Variants in BRINP3 observed in about 807,000 individuals in gnomAD.
BRINP3 encodes the protein BMP/retinoic acid-inducible neural-specific protein 3.
BRINP3 carries 19 observed loss-of-function variants against 71.0 expected under a neutral mutation model. That is an observed-to-expected ratio of 0.27 (90% CI 0.19 to 0.39). BRINP3 has a LOEUF of 0.39. Among genes scored for constraint, BRINP3 ranks in the 10% least tolerant of loss-of-function variants. The probability of loss-of-function intolerance (pLI) is 1.00; values close to 1 mark genes in which losing one functional copy is unlikely to be tolerated. For missense variants in BRINP3, 959 were observed against 940.8 expected (o/e 1.02, Z -0.25); for synonymous variants, 380 against 337.7 (o/e 1.13, Z -1.37).
At chr1:190,160,991 T>C in intron 6 of BRINP3, 101 bp from the exon 7 acceptor site, 1 of 749,692 alleles carries the variant, frequency 1.3e-6, no homozygotes, top group Non-Finnish European at 2.1e-6. Flanking sequence ...TATACACATA[T>C]ATGTCAAATT....
At chr1:190,441,803 T>C (rs752959973) in intron 2 of BRINP3, among the ~76,000 whole-genome samples, 10 of 152,148 alleles carry the variant, frequency 6.6e-5, no homozygotes, top group Non-Finnish European at 1.0e-4. Flanking sequence ...AAGAGAATAG[T>C]AATGTGAAGT....
chr1:190,137,781 GA>G (rs1655097587), intron 7 of BRINP3, among the ~76,000 whole-genome samples: 2 of 151,942 alleles, frequency 1.3e-5, no homozygotes. Flanking sequence ...TAAGAAAGAG[GA>G]AACTAAAAGA....
intron 3 of BRINP3, among the ~76,000 whole-genome samples, chr1:190,267,727 T>A (rs1661780172): frequency 6.6e-6 from 1 of 151,870 alleles, no homozygotes; most frequent in Non-Finnish European, 1.5e-5. Flanking sequence ...AATAAATATA[T>A]AATAAAACAG....
At chr1:190,434,099 GTTAT>G (rs142530710) in intron 2 of BRINP3, among the ~76,000 whole-genome samples, 19,139 of 151,662 alleles carry the variant, frequency 0.13, 1,320 homozygotes, top group Non-Finnish European at 0.13. Context: ...TAAAGAAATG[GTTAT>G]TTATTTATTT....
chr1:190,185,058 T>C (rs1027903626), intron 6 of BRINP3, among the ~76,000 whole-genome samples: 1 of 152,138 alleles, frequency 6.6e-6, no homozygotes, highest in African/African-American at 2.4e-5. Flanking sequence ...TATTTCGTAG[T>C]TATGACACCA....
chr1:190,254,295 T>G (rs924895174), intron 4 of BRINP3, among the ~76,000 whole-genome samples: 1 of 141,740 alleles, frequency 7.1e-6, no homozygotes, highest in Admixed American at 7.2e-5. Flanking sequence ...TTTTTTTTTT[T>G]TCAACTCTGT....
At chr1:190,227,055 C>T (rs905910134) in intron 5 of BRINP3, among the ~76,000 whole-genome samples, 4 of 151,616 alleles carry the variant, frequency 2.6e-5, no homozygotes, top group Non-Finnish European at 5.9e-5. Context: ...GCATTTATTA[C>T]GATATTTCAA....
At chr1:190,412,395 T>A (rs201382837) in intron 2 of BRINP3, among the ~76,000 whole-genome samples, 6 of 134,998 alleles carry the variant, frequency 4.4e-5, no homozygotes, top group Admixed American at 7.4e-5. Context: ...TATATATATA[T>A]TATATATATA....
chr1:190,376,459 ATC>A (rs1558231430), intron 2 of BRINP3, among the ~76,000 whole-genome samples: 1 of 152,060 alleles, frequency 6.6e-6, no homozygotes, highest in African/African-American at 2.4e-5. Flanking sequence ...TTTAACAGAT[ATC>A]TGTTTGTGTT....
intron 1 of BRINP3, among the ~76,000 whole-genome samples, chr1:190,470,544 T>TA (rs901177911): frequency 2.6e-5 from 4 of 150,976 alleles, no homozygotes; most frequent in Non-Finnish European, 6.0e-5. Flanking sequence ...CAAATACTTA[T>TA]AAAAAAATAG....
intron 2 of BRINP3, among the ~76,000 whole-genome samples, chr1:190,406,910 T>C (rs1356528977): frequency 6.6e-6 from 1 of 152,196 alleles, no homozygotes; most frequent in East Asian, 1.9e-4. Flanking sequence ...TTGAATATAA[T>C]TGAAGCTCTT....
At chr1:190,261,182 C>T (rs1031613736) in intron 4 of BRINP3, among the ~76,000 whole-genome samples, 3 of 151,400 alleles carry the variant, frequency 2.0e-5, no homozygotes, top group Admixed American at 6.6e-5. Context: ...TTCTCATCAC[C>T]GTCAATTATA....
chr1:190,269,444 C>G (rs1335470068), intron 3 of BRINP3, among the ~76,000 whole-genome samples: 2 of 151,938 alleles, frequency 1.3e-5, no homozygotes, highest in Non-Finnish European at 2.9e-5. Context: ...CAGATTTTTT[C>G]AGCACAAAAT....
chr1:190,405,506 C>G (rs1672225370), intron 2 of BRINP3, among the ~76,000 whole-genome samples: 1 of 113,508 alleles, frequency 8.8e-6, no homozygotes. Context: ...GAATCAGAAG[C>G]GTGACATATC....
intron 2 of BRINP3, among the ~76,000 whole-genome samples, chr1:190,403,336 CCATTCCA>C (rs1368326928): frequency 6.6e-6 from 1 of 152,114 alleles, no homozygotes; most frequent in Non-Finnish European, 1.5e-5. Context: ...TTACATTAAC[CCATTCCA>C]TTCTACTGGG....
At chr1:190,459,198 A>G (rs1444075496) in intron 1 of BRINP3, among the ~76,000 whole-genome samples, 1 of 151,416 alleles carries the variant, frequency 6.6e-6, no homozygotes. Flanking sequence ...CAAATCCTCA[A>G]TGGCCTTGAC....
chr1:190,323,306 G>A (rs1268238752), intron 2 of BRINP3, among the ~76,000 whole-genome samples: 2 of 151,714 alleles, frequency 1.3e-5, no homozygotes, highest in Non-Finnish European at 2.9e-5. Flanking sequence ...CAATAGAGAG[G>A]TTACTGGGTC....
intron 6 of BRINP3, among the ~76,000 whole-genome samples, chr1:190,213,800 TGGG>T (rs1349929453): frequency 6.6e-6 from 1 of 151,806 alleles, no homozygotes; most frequent in Non-Finnish European, 1.5e-5. Context: ...AAACAGCAAA[TGGG>T]GGAACATATT....
chr1:190,112,694 T>C (rs1652794568), intron 7 of BRINP3, among the ~76,000 whole-genome samples: 1 of 152,284 alleles, frequency 6.6e-6, no homozygotes, highest in East Asian at 1.9e-4. Flanking sequence ...GTAAGGAATA[T>C]TTTATTCCTC....
Sources: gnomAD v4.1 joint callset for allele counts (sites outside exome capture counted in the v4.1 genomes callset) on GRCh38, gnomAD v4.1.1 for gene constraint, MANE v1.5 for transcripts, NCBI Gene and HGNC (gene_info 2026-07-23, HGNC 2026-07-21) for gene names.